The following PCDHA5 variants were observed in gnomAD, a reference collection of about 807,000 sequenced individuals.
PCDHA5 encodes protocadherin alpha-5.
A neutral mutation model predicts 61.6 loss-of-function variants in PCDHA5; 43 were observed. The observed-to-expected ratio is 0.70, with a 90% confidence interval of 0.55 to 0.90. The LOEUF is 0.90. Ranked by LOEUF, PCDHA5 falls within the 40% of genes least tolerant of loss-of-function variation. The probability of loss-of-function intolerance (pLI) is 0.00; values close to 1 mark genes in which losing one functional copy is unlikely to be tolerated. For missense variants in PCDHA5, 1,298 were observed against 1,222.7 expected, an observed-to-expected ratio of 1.06 and a Z score of -0.92; for synonymous variants, 627 against 543.9, an observed-to-expected ratio of 1.15 and a Z score of -2.13.
intron 1 of PCDHA5, among the ~76,000 whole-genome samples, chr5:140,974,729 G>C (rs1007565470): frequency 2.6e-5 from 4 of 152,032 alleles, no homozygotes; most frequent in African/African-American, 9.7e-5. Flanking sequence ...TCGAACTCCT[G>C]TCTCCACCTT....
rs539900578 is a variant in PCDHA5, at chr5:140,868,861, T to C, written c.2352+44734T>C. Reference sequence around the variant, plus strand: ...ACACGTGAAATTCTGTGGTGGTAAATGCAGTGCACAGTACTCACAGTTTTA... The same window carrying C: ...ACACGTGAAATTCTGTGGTGGTAAACGCAGTGCACAGTACTCACAGTTTTA... On this transcript the variant is annotated intron_variant, in intron 1 of 3. Coordinates refer to ENST00000529859, the MANE Select transcript of PCDHA5 (RefSeq NM_018908.3). 7 of 525,402 alleles carry C rather than the reference T, an allele frequency of 1.3e-5. No homozygotes were observed. In the Admixed American group the frequency reaches 2.2e-4, roughly 17 times the overall value. 32.5% of individuals were successfully genotyped at this position (525,402 alleles called of 1,614,324 possible). A position where few individuals can be genotyped will look rare whatever the true frequency, so the allele number is the denominator to read the frequency against.
intron 1 of PCDHA5, among the ~76,000 whole-genome samples, chr5:140,904,259 C>T (rs2070990539): frequency 6.6e-6 from 1 of 152,066 alleles, no homozygotes. Context: ...GCTTAGCTCC[C>T]ACTTATGAAT....
chr5:140,889,662 C>T (rs1397086074), intron 1 of PCDHA5, among the ~76,000 whole-genome samples: 1 of 151,946 alleles, frequency 6.6e-6, no homozygotes, highest in Admixed American at 6.6e-5. Context: ...GTCCTCTTCC[C>T]AGCCTTTTAT....
intron 1 of PCDHA5, among the ~76,000 whole-genome samples, chr5:140,898,149 C>T (rs552851488): frequency 4.6e-4 from 70 of 152,244 alleles, no homozygotes; most frequent in African/African-American, 1.6e-3. Flanking sequence ...TGCCTGTTCA[C>T]GCTGATGGTG....
intron 1 of PCDHA5, among the ~76,000 whole-genome samples, chr5:140,833,207 A>G (rs1554133788): frequency 6.6e-6 from 1 of 152,228 alleles, no homozygotes; most frequent in African/African-American, 2.4e-5. Context: ...AGAATGAAAT[A>G]GGAATGGACA....
At chr5:140,884,550 G>C (rs781916237) in intron 1 of PCDHA5, 2 of 1,614,118 alleles carry the variant, frequency 1.2e-6, no homozygotes, top group Non-Finnish European at 1.7e-6. Flanking sequence ...GTGTGCTCTG[G>C]GGAGGGCCCG....
chr5:140,832,937 G>A (rs1470692327), intron 1 of PCDHA5, among the ~76,000 whole-genome samples: 1 of 152,104 alleles, frequency 6.6e-6, no homozygotes, highest in African/African-American at 2.4e-5. Flanking sequence ...TGAGAAGAGA[G>A]TAACTTAAGT....
At chr5:141,000,643 G>A (rs2097954450) in intron 3 of PCDHA5, among the ~76,000 whole-genome samples, 1 of 151,102 alleles carries the variant, frequency 6.6e-6, no homozygotes, top group Non-Finnish European at 1.5e-5. Context: ...GGGCAGGCTG[G>A]TCTCGAACTC....
intron 1 of PCDHA5, among the ~76,000 whole-genome samples, chr5:140,937,574 G>C (rs1320452651): frequency 1.3e-5 from 2 of 151,732 alleles, no homozygotes; most frequent in African/African-American, 4.9e-5. Context: ...CTGGGATCGC[G>C]TCACTGCACT....
rs2150498276 is a variant in PCDHA5, at chr5:140,850,785, A to C, written c.2352+26658A>C. The C allele has an allele frequency of 0.62, 994,993 of 1,596,634 alleles. 342,814 individuals carry two copies. Among genetic ancestry groups the C allele is most frequent in the African/African-American group, 0.72 (53,321 of 73,960 alleles). Reference sequence around the variant, plus strand: ...GCAGAGGGTGTGCTCTGGCGAGGGTAAGCAGAAGACCGACCTCATGGCCTT... The same window carrying C: ...GCAGAGGGTGTGCTCTGGCGAGGGTCAGCAGAAGACCGACCTCATGGCCTT... On this transcript the variant is annotated intron_variant, in intron 1 of 3. Coordinates refer to ENST00000529859, the MANE Select transcript of PCDHA5 (RefSeq NM_018908.3).
chr5:140,856,162 C>T (rs782071685), intron 1 of PCDHA5: 7 of 1,598,320 alleles, frequency 4.4e-6, no homozygotes, highest in Non-Finnish European at 6.0e-6. Context: ...ACGAGGAGGC[C>T]AGACACGGCA....
chr5:140,926,592 C>A, intron 1 of PCDHA5: 1 of 298,858 alleles, frequency 3.3e-6, no homozygotes, highest in Non-Finnish European at 6.1e-6. Context: ...CGCGCCCGGG[C>A]GGGCGGCCTC....
At position 140,862,713 on chromosome 5, in the gene PCDHA5, C is replaced by A. The variant is rs573467283; in HGVS notation, c.2352+38586C>A. 517 of 561,852 alleles carry A rather than the reference C, an allele frequency of 9.2e-4. 1 individual carries two copies. The highest frequency in any genetic ancestry group is 1.7e-3 in the Non-Finnish European group (476 of 284,834). 34.8% of individuals were successfully genotyped at this position (561,852 alleles called of 1,614,324 possible). ...ACTCGTTGATGGAACAGCGGGTGGG[C>A]GAGTGCGCGCTGTCTAGCTATGTGT... On this transcript the variant is annotated intron_variant, in intron 1 of 3. Transcript: ENST00000529859.
At chr5:140,877,721 A>G in intron 1 of PCDHA5, 1 of 1,614,000 alleles carries the variant, frequency 6.2e-7, no homozygotes, top group East Asian at 2.2e-5. Context: ...AGTTGGTCTT[A>G]CTCGCAGCAG....
chr5:140,966,705 G>A, intron 1 of PCDHA5: 1 of 1,379,198 alleles, frequency 7.3e-7, no homozygotes, highest in Non-Finnish European at 9.3e-7. Context: ...CGGGCGTGGG[G>A]CACGGCTGGG....
At chr5:140,827,320 A>C (rs1554130752) in intron 1 of PCDHA5, among the ~76,000 whole-genome samples, 1 of 152,256 alleles carries the variant, frequency 6.6e-6, no homozygotes, top group Non-Finnish European at 1.5e-5. Context: ...AAATTCCACT[A>C]GAATTTGAAG....
chr5:140,856,155 A>G (rs533990024), intron 1 of PCDHA5: 1 of 1,598,294 alleles, frequency 6.3e-7, no homozygotes, highest in African/African-American at 1.3e-5. Context: ...TCAGTCTACG[A>G]GGAGGCCAGA....
At chr5:140,834,851 C>G (rs2150227943) in intron 1 of PCDHA5, 1 of 1,610,676 alleles carries the variant, frequency 6.2e-7, no homozygotes. Context: ...CACTAGAGGG[C>G]GCGTCCGATG....
intron 1 of PCDHA5, chr5:140,856,358 C>T: frequency 6.3e-7 from 1 of 1,598,606 alleles, no homozygotes; most frequent in African/African-American, 1.3e-5. Context: ...GTGCAGCATC[C>T]ACCTGGAGGT....
Sources: allele counts gnomAD v4.1 joint callset (sites outside exome capture counted in the v4.1 genomes callset), GRCh38; gene constraint gnomAD v4.1.1; transcripts MANE v1.5; gene names NCBI Gene and HGNC (gene_info 2026-07-23, HGNC 2026-07-21).